SYN3: variants seen among roughly 807,000 people sequenced by gnomAD.
The protein encoded by SYN3 is synapsin-3.
Under a neutral mutation model 65.8 loss-of-function variants are expected in SYN3, and 35 were observed. The ratio of observed to expected loss-of-function variants is 0.53; its 90% CI spans 0.41 to 0.70. The LOEUF (loss-of-function observed/expected upper bound fraction) is 0.70, where lower values mean the gene tolerates loss of function less well. Ranked by LOEUF, SYN3 falls within the 30% of genes least tolerant of loss-of-function variation. The pLI, the probability that SYN3 is intolerant of heterozygous loss-of-function variation, is 0.00. For synonymous variants in SYN3, 270 were observed against 292.9 expected (o/e 0.92, Z 0.80); for missense variants, 680 against 749.0 (o/e 0.91, Z 1.08).
chr22:32,656,196 G>C (rs1340860927), intron 6 of SYN3, among the ~76,000 whole-genome samples: 5 of 152,148 alleles, frequency 3.3e-5, no homozygotes, highest in Non-Finnish European at 5.9e-5. Context: ...TGCAGGGCAG[G>C]CCTCATGTCC....
chr22:32,946,073 A>G (rs958051982), intron 3 of SYN3, among the ~76,000 whole-genome samples: 3 of 152,208 alleles, frequency 2.0e-5, no homozygotes, highest in Non-Finnish European at 4.4e-5. Flanking sequence ...GAGAAATAGG[A>G]ACACTTTTAC....
At chr22:32,824,413 A>G (rs1290257879) in intron 6 of SYN3, among the ~76,000 whole-genome samples, 1 of 151,524 alleles carries the variant, frequency 6.6e-6, no homozygotes, top group African/African-American at 2.4e-5. Flanking sequence ...GCTTTTAGGG[A>G]GTGAGACAAT....
At chr22:32,649,278 A>G (rs2060027538) in intron 6 of SYN3, among the ~76,000 whole-genome samples, 1 of 152,344 alleles carries the variant, frequency 6.6e-6, no homozygotes, top group Admixed American at 6.5e-5. Flanking sequence ...ACTCAGCGCC[A>G]GGCCTAGAGC....
intron 6 of SYN3, among the ~76,000 whole-genome samples, chr22:32,666,898 G>C (rs2060296888): frequency 6.6e-6 from 1 of 152,086 alleles, no homozygotes; most frequent in Admixed American, 6.6e-5. Context: ...TCCCCACCTC[G>C]ACCAAGCTCC....
rs73885115 is a variant in SYN3 at position 32,837,221 on chromosome 22, G to C, written c.711+27694C>G. Among the ~76,000 whole-genome samples, 1,447 of 152,334 alleles carry C rather than the reference G, an allele frequency of 9.5e-3. 24 individuals are homozygous for C. Among genetic ancestry groups the C allele is most frequent in the African/African-American group, 0.034 (1,393 of 41,564 alleles). On this transcript the variant is annotated intron_variant, in intron 6 of 13. Coordinates refer to ENST00000358763, the MANE Select transcript of SYN3 (RefSeq NM_003490.4). This position sits in a 1 kb window ranked among gnomAD's most constrained non-coding sequence, Gnocchi z 4.1. ...GTATTTTTCTGGGCACTGCTTCAAAGGGGCTGTGGTTGAAGACCATGCTGC... is the reference window on the plus strand; with the variant it reads ...GTATTTTTCTGGGCACTGCTTCAAACGGGCTGTGGTTGAAGACCATGCTGC...
chr22:32,843,170 C>T (rs982260211), intron 6 of SYN3, among the ~76,000 whole-genome samples: 1 of 152,134 alleles, frequency 6.6e-6, no homozygotes, highest in Non-Finnish European at 1.5e-5. Context: ...ACATTAACAG[C>T]CACAACAGTA....
intron 6 of SYN3, among the ~76,000 whole-genome samples, chr22:32,714,291 T>C (rs1360215822): frequency 1.3e-5 from 2 of 152,232 alleles, no homozygotes; most frequent in African/African-American, 4.8e-5. Flanking sequence ...GACAGTTATG[T>C]GACTGTGGTC....
chr22:32,997,892 T>C (rs2052930805), intron 2 of SYN3, among the ~76,000 whole-genome samples: 1 of 151,810 alleles, frequency 6.6e-6, no homozygotes, highest in African/African-American at 2.4e-5. Flanking sequence ...CTGGGCATGG[T>C]GGTGGGCGCC....
At chr22:32,808,846 G>T (rs1380556531) in intron 6 of SYN3, among the ~76,000 whole-genome samples, 1 of 152,218 alleles carries the variant, frequency 6.6e-6, no homozygotes, top group Non-Finnish European at 1.5e-5. Context: ...GAAACTCCCA[G>T]AGGGGATCAT....
At chr22:33,056,051 G>A (rs2054248811) in intron 1 of SYN3, among the ~76,000 whole-genome samples, 1 of 152,096 alleles carries the variant, frequency 6.6e-6, no homozygotes, top group African/African-American at 2.4e-5. Flanking sequence ...CAACTTGGTT[G>A]GGTTTTGGAA....
intron 6 of SYN3, among the ~76,000 whole-genome samples, chr22:32,625,974 C>T (rs2059660443): frequency 6.6e-6 from 1 of 151,958 alleles, no homozygotes; most frequent in Admixed American, 6.6e-5. Context: ...ACAGAGCTCA[C>T]GTCTACTGGG....
chr22:33,046,403 C>T (rs1310135402), intron 1 of SYN3, among the ~76,000 whole-genome samples: 1 of 152,190 alleles, frequency 6.6e-6, no homozygotes, highest in African/African-American at 2.4e-5. Flanking sequence ...TTTATAGCAG[C>T]TTTAGTCACA....
rs1442801400 is a variant in SYN3 at position 32,915,331 on chromosome 22, G to A, written c.461+16059C>T. ...TAGTGCCATTCATTCTAAGTACTAG[G>A]GATGGAGTGAATTATTTACAAAACA... is the stretch of plus-strand genomic sequence containing the variant. On this transcript the variant is annotated intron_variant, in intron 4 of 13. Coordinates refer to ENST00000358763, the MANE Select transcript of SYN3 (RefSeq NM_003490.4). 2.0e-5 allele frequency among the ~76,000 whole-genome samples: 3 copies of A among 152,178 alleles called. No individual in the cohort carries two copies. In the East Asian group the frequency reaches 5.8e-4, roughly 29 times the overall value.
chr22:32,696,307 G>C (rs1361021341), intron 6 of SYN3, among the ~76,000 whole-genome samples: 1 of 152,180 alleles, frequency 6.6e-6, no homozygotes, highest in Non-Finnish European at 1.5e-5. Context: ...CTCATCACAT[G>C]GCTCAACTAA....
chr22:32,653,713 A>C (rs1173849579), intron 6 of SYN3, among the ~76,000 whole-genome samples: 1 of 152,206 alleles, frequency 6.6e-6, no homozygotes, highest in Non-Finnish European at 1.5e-5. Flanking sequence ...TAACGGGATC[A>C]GGAAGACTCG....
At chr22:33,056,004 T>G (rs1158653638) in intron 1 of SYN3, among the ~76,000 whole-genome samples, 1 of 152,222 alleles carries the variant, frequency 6.6e-6, no homozygotes, top group Non-Finnish European at 1.5e-5. Flanking sequence ...TGAGTGATTG[T>G]TATTATTATA....
At chr22:32,537,509 G>A (rs929841419) in intron 9 of SYN3, among the ~76,000 whole-genome samples, 5 of 152,138 alleles carry the variant, frequency 3.3e-5, no homozygotes, top group Admixed American at 1.3e-4. Flanking sequence ...GAGAAAGACC[G>A]AAAAACCCTT....
chr22:32,768,981 G>C (rs2045696413), intron 6 of SYN3, among the ~76,000 whole-genome samples: 1 of 152,030 alleles, frequency 6.6e-6, no homozygotes, highest in East Asian at 1.9e-4. Flanking sequence ...CATGAACCCT[G>C]TGCTCCTACT....
At chr22:32,886,023 G>A (rs1369552075) in intron 4 of SYN3, among the ~76,000 whole-genome samples, 5 of 152,206 alleles carry the variant, frequency 3.3e-5, no homozygotes, top group Admixed American at 6.5e-5. Context: ...AAGCATGAAA[G>A]AAGGCGGGCA....
Sources: gnomAD v4.1 joint callset for allele counts (sites outside exome capture counted in the v4.1 genomes callset) on GRCh38, gnomAD v4.1.1 for gene constraint, Gnocchi (gnomAD v3.1) non-coding constraint, MANE v1.5 for transcripts, NCBI Gene and HGNC (gene_info 2026-07-23, HGNC 2026-07-21) for gene names.